The following TENM3 variants were observed in gnomAD, a reference collection of about 807,000 sequenced individuals.
TENM3 encodes the protein teneurin-3.
Under a neutral mutation model 255.1 loss-of-function variants are expected in TENM3, and 63 were observed. The ratio of observed to expected loss-of-function variants is 0.25; its 90% CI spans 0.20 to 0.30. The LOEUF (loss-of-function observed/expected upper bound fraction) is 0.30. TENM3 is among the 10% of genes least tolerant of loss of function. TENM3 has a pLI of 1.00. For missense variants in TENM3, 2,929 were observed against 3,461.1 expected (o/e 0.85, Z 3.86); for synonymous variants, 1,306 against 1,322.3 (o/e 0.99, Z 0.27).
rs145058585 is a variant in TENM3 at position 182,626,194 on chromosome 4, A to T, written c.750-2457A>T. ...GGTCCCTTACAGCAAAAGTTTGCTG[A>T]TGCCTGATCTAAATGACATAGTCCA... is the stretch of plus-strand genomic sequence containing the variant. On this transcript the variant is annotated intron_variant, in intron 4 of 27. Transcript: ENST00000511685. Among the ~76,000 whole-genome samples the T allele has an allele frequency of 4.6e-5, 7 of 152,298 alleles. No individual in the cohort carries two copies. The East Asian group carries it at 9.7e-4, about 21-fold the overall frequency.
chr4:182,758,261 C>T (rs1762876037), intron 22 of TENM3, among the ~76,000 whole-genome samples: 1 of 152,012 alleles, frequency 6.6e-6, no homozygotes, highest in South Asian at 2.1e-4. Context: ...TGTAATTTGG[C>T]TGTGAAAGAG....
chr4:182,596,884 G>T (rs932427723), intron 3 of TENM3, among the ~76,000 whole-genome samples: 11 of 152,142 alleles, frequency 7.2e-5, no homozygotes, highest in Non-Finnish European at 1.5e-5. Flanking sequence ...CTCACTCAAA[G>T]TCATTATATC....
rs1741970576 is a variant in TENM3, at chr4:182,551,212, C to T, written c.512-49712C>T. Reference sequence around the variant, plus strand: ...CTCCAGCCTGGGCGACAGAGTGAGACTCCATCTAAAAAAAAAAAAAAAAAA... The same window carrying T: ...CTCCAGCCTGGGCGACAGAGTGAGATTCCATCTAAAAAAAAAAAAAAAAAA... On this transcript the variant is annotated intron_variant, in intron 3 of 27. Transcript: ENST00000511685. Among the ~76,000 whole-genome samples, 3 of 123,946 alleles carry T rather than the reference C, an allele frequency of 2.4e-5. No individual in the cohort carries two copies. The South Asian group carries it at 9.3e-4, about 38-fold the overall frequency. The allele number at this position is 123,946 out of a possible 152,430, so 81.3% of individuals were successfully genotyped here.
the TENM3 span, among the ~76,000 whole-genome samples, chr4:181,598,955 AC>A: frequency 6.6e-6 from 1 of 152,160 alleles, no homozygotes. Flanking sequence ...GTCTTCTTTT[AC>A]TTACCTTGCC....
chr4:182,316,586 C>T (rs1204559252), intron 1 of TENM3, among the ~76,000 whole-genome samples: 1 of 152,074 alleles, frequency 6.6e-6, no homozygotes, highest in Non-Finnish European at 1.5e-5. Context: ...CTACAAAATG[C>T]CCCCACTCCC....
chr4:182,073,224 G>T, the TENM3 span, among the ~76,000 whole-genome samples: 93 of 152,294 alleles, frequency 6.1e-4, no homozygotes, highest in African/African-American at 2.1e-3. Flanking sequence ...GAAATGCCAG[G>T]TGCTTAAACC....
intron 1 of TENM3, among the ~76,000 whole-genome samples, chr4:182,316,237 T>A (rs1187251570): frequency 6.6e-6 from 1 of 152,230 alleles, no homozygotes; most frequent in Non-Finnish European, 1.5e-5. Flanking sequence ...AACAGTTAGA[T>A]CCTTCCTGGT....
chr4:182,656,172 A>G (rs1400155952), intron 6 of TENM3, among the ~76,000 whole-genome samples: 2 of 152,130 alleles, frequency 1.3e-5, no homozygotes, highest in African/African-American at 4.8e-5. Flanking sequence ...TATATAGGGA[A>G]TGGTTAACGG....
At position 182,320,111 on chromosome 4, in the gene TENM3, TAA is replaced by T. The variant is rs66988803; in HGVS notation, c.-75-3823_-75-3822del. On this transcript the variant is annotated intron_variant, in intron 1 of 27. Transcript: ENST00000511685. Reference sequence around the variant, plus strand: ...CTGAGTGAAAGAGTGAAACTCCGTCTAAAAAAAAAAAAATCCAAAGAGAATGG... The same window carrying T: ...CTGAGTGAAAGAGTGAAACTCCGTCTAAAAAAAAAAATCCAAAGAGAATGG... 1.2e-3 allele frequency among the ~76,000 whole-genome samples: 186 copies of T among 149,084 alleles called. 1 individual carries two copies. Among genetic ancestry groups the T allele is most frequent in the Middle Eastern group, 3.4e-3 (1 of 292 alleles).
rs1354701791 is a variant in TENM3, at chr4:182,773,587, G to A, written c.5008G>A (p.Glu1670Lys). The A allele has an allele frequency of 6.2e-7, 1 of 1,613,888 alleles. No individual in the cohort carries two copies. The highest frequency in any genetic ancestry group is 1.3e-5 in the African/African-American group (1 of 75,040). Residue 1670 changes from glutamate to lysine, a missense_variant, in exon 23 of 28, where the codon GAA becomes AAA. Physicochemically the swap from Glu to Lys is moderately conservative, Grantham distance 56. This residue lies in a region of TENM3 where 1,608 missense variants were observed against 1,884.4 expected (regional missense o/e 0.85). Transcript: ENST00000511685. ...TVDIESSSREEDVSITSNLSS... is the reference protein window; with the variant it reads ...TVDIESSSREKDVSITSNLSS... Reference sequence around the variant, plus strand: ...GGACATTGAGTCATCTAGCCGAGAAGAAGATGTCAGCATCACTTCAAATCT... The same window carrying A: ...GGACATTGAGTCATCTAGCCGAGAAAAAGATGTCAGCATCACTTCAAATCT...
chr4:181,516,009 G>A, the TENM3 span, among the ~76,000 whole-genome samples: 7 of 152,160 alleles, frequency 4.6e-5, no homozygotes, highest in Non-Finnish European at 8.8e-5. Context: ...GGAATACTAT[G>A]CAGCCATAAA....
At chr4:182,318,113 CTATA>C (rs1459509956) in intron 1 of TENM3, among the ~76,000 whole-genome samples, 1 of 152,066 alleles carries the variant, frequency 6.6e-6, no homozygotes, top group East Asian at 1.9e-4. Context: ...TAGGAGGACA[CTATA>C]TAGAGATATC....
At chr4:181,521,493 A>T in the TENM3 span, among the ~76,000 whole-genome samples, 9 of 152,216 alleles carry the variant, frequency 5.9e-5, no homozygotes, top group Non-Finnish European at 1.3e-4. Context: ...GATCGATTTT[A>T]TACAGAAGTT....
chr4:181,747,099 A>G, the TENM3 span, among the ~76,000 whole-genome samples: 1 of 152,088 alleles, frequency 6.6e-6, no homozygotes, highest in Middle Eastern at 3.2e-3. Flanking sequence ...ATTGCCTTCT[A>G]ATAAGATTAT....
chr4:181,467,147 T>TTTTTTTTG, the TENM3 span, among the ~76,000 whole-genome samples: 8 of 113,006 alleles, frequency 7.1e-5, no homozygotes, highest in African/African-American at 2.6e-4. Flanking sequence ...TTTTTTTTTT[T>TTTTTTTTG]TAGGCAGAGT....
chr4:182,712,357 A>G (rs1446107853), intron 12 of TENM3, among the ~76,000 whole-genome samples: 2 of 152,012 alleles, frequency 1.3e-5, no homozygotes, highest in Non-Finnish European at 2.9e-5. Flanking sequence ...GCTTTCATAT[A>G]CCAACTCCTA....
chr4:182,349,545 TAAA>T (rs940902630), intron 3 of TENM3, among the ~76,000 whole-genome samples: 1 of 152,138 alleles, frequency 6.6e-6, no homozygotes, highest in African/African-American at 2.4e-5. Flanking sequence ...TTCCTGATAT[TAAA>T]AAATTATGTG....
At position 182,217,372 on chromosome 4, in the gene TENM3, A is replaced by T. The variant is rs1755554985; in HGVS notation, c.-76+72618A>T. On this transcript the variant is annotated intron_variant, in intron 1 of 2. Coordinates refer to the TENM3 transcript ENST00000512480. ...AACTTACCTGCAAAGTGATTATCTG[A>T]CTAGTACTACTGCAACAAAGATAAT... 2.0e-5 allele frequency among the ~76,000 whole-genome samples: 3 copies of T among 152,190 alleles called. No individual in the cohort carries two copies. In the South Asian group the frequency reaches 6.2e-4, roughly 32 times the overall value.
the TENM3 span, among the ~76,000 whole-genome samples, chr4:181,908,808 G>A: frequency 6.6e-6 from 1 of 152,144 alleles, no homozygotes; most frequent in African/African-American, 2.4e-5. Context: ...TCATAGTTAT[G>A]TGTGTGACCC....
Sources: allele counts gnomAD v4.1 joint callset (sites outside exome capture counted in the v4.1 genomes callset), GRCh38; gene constraint gnomAD v4.1.1; regional missense constraint gnomAD v4.1.1; transcripts MANE v1.5; gene names NCBI Gene and HGNC (gene_info 2026-07-23, HGNC 2026-07-21).